ANK3: variants seen among roughly 807,000 people sequenced by gnomAD.
ANK3 encodes the protein ankyrin 3.
Under a neutral mutation model 370.9 loss-of-function variants are expected in ANK3, and 57 were observed. The ratio of observed to expected loss-of-function variants is 0.15; its 90% CI spans 0.12 to 0.19. The LOEUF (loss-of-function observed/expected upper bound fraction) is 0.19. ANK3 is among the 10% of genes least tolerant of loss of function. The probability of loss-of-function intolerance (pLI) is 1.00; values close to 1 mark genes in which losing one functional copy is unlikely to be tolerated. For missense variants in ANK3, 4,439 were observed against 5,302.1 expected (o/e 0.84, Z 5.06); for synonymous variants, 1,929 against 1,946.3 (o/e 0.99, Z 0.23).
intron 2 of ANK3, among the ~76,000 whole-genome samples, chr10:60,470,465 TC>T (rs143476356): frequency 0.79 from 114,209 of 144,186 alleles, 42,929 homozygotes; most frequent in South Asian, 0.89. Context: ...AATTTTATAC[TC>T]TTTTTTTGAA....
chr10:60,719,173 T>C (rs2079829588), intron 1 of ANK3, among the ~76,000 whole-genome samples: 1 of 152,166 alleles, frequency 6.6e-6, no homozygotes, highest in African/African-American at 2.4e-5. Context: ...TTACTATTTG[T>C]AGCTCTAACT....
At chr10:60,226,263 AC>A in intron 8 of ANK3, among the ~76,000 whole-genome samples, 6 of 105,608 alleles carry the variant, frequency 5.7e-5, no homozygotes, top group Non-Finnish European at 9.2e-5. Context: ...TATATGTAAT[AC>A]TATATATACT....
At position 60,071,356 on chromosome 10, in the gene ANK3, C is replaced by T. The variant is rs1157464592; in HGVS notation, c.9525G>A (p.Glu3175=). The part of the protein sequence containing the change: ...SPLTPETPSS[E]EVSYEFTSKT... ...TAGATGTAAATTCATAACTCACTTCCTCTGAACTGGGTGTTTCTGGGGTTA... is the reference window on the plus strand; with the variant it reads ...TAGATGTAAATTCATAACTCACTTCTTCTGAACTGGGTGTTTCTGGGGTTA... The change falls in exon 37 of 44, where the codon GAG becomes GAA. Residue 3175 remains glutamate (E), a synonymous_variant. Transcript: ENST00000280772. The T allele has an allele frequency of 1.2e-6, 2 of 1,613,922 alleles. No individual in the cohort carries two copies. The highest frequency in any genetic ancestry group is 2.2e-5 in the East Asian group (1 of 44,878).
chr10:60,423,097 C>G (rs2063810851), intron 2 of ANK3, among the ~76,000 whole-genome samples: 2 of 151,980 alleles, frequency 1.3e-5, no homozygotes, highest in Admixed American at 1.3e-4. Context: ...AAAACACCTC[C>G]AGATAATTTT....
chr10:60,554,255 TTTTC>T (rs1392264059), intron 2 of ANK3, among the ~76,000 whole-genome samples: 1 of 152,150 alleles, frequency 6.6e-6, no homozygotes, highest in Non-Finnish European at 1.5e-5. Context: ...TTAGAGCCCT[TTTTC>T]TAAGTAAAAT....
intron 1 of ANK3, among the ~76,000 whole-genome samples, chr10:60,621,538 G>C (rs990349475): frequency 6.6e-6 from 1 of 152,052 alleles, no homozygotes; most frequent in Non-Finnish European, 1.5e-5. Context: ...GACTCTCCTG[G>C]GGTCGTGTAA....
chr10:60,349,070 C>T (rs965010892), intron 1 of ANK3, among the ~76,000 whole-genome samples: 11 of 78,224 alleles, frequency 1.4e-4, no homozygotes, highest in Admixed American at 8.3e-4. Flanking sequence ...AAGATGGGCT[C>T]ATGAGAAACA....
chr10:60,576,549 C>G (rs972379231), intron 2 of ANK3, among the ~76,000 whole-genome samples: 1 of 152,158 alleles, frequency 6.6e-6, no homozygotes, highest in African/African-American at 2.4e-5. Context: ...GAAGCAACAA[C>G]CTTCCATTGA....
intron 2 of ANK3, among the ~76,000 whole-genome samples, chr10:60,600,857 T>C (rs2078051546): frequency 6.6e-6 from 1 of 152,184 alleles, no homozygotes; most frequent in African/African-American, 2.4e-5. Flanking sequence ...GCCATTCTCA[T>C]CTACGAATAT....
chr10:60,329,635 G>A lies in ANK3; in HGVS notation c.115-49996C>T, dbSNP rs568553909. On this transcript the variant is annotated intron_variant, in intron 1 of 43. Transcript: ENST00000280772. ...ACCACTGCTCAAGGAAATAAGACAG[G>A]ATACAAACAAATGGAAAAAAACATT... 4.6e-5 allele frequency among the ~76,000 whole-genome samples: 7 copies of A among 152,194 alleles called. No individual in the cohort carries two copies. In the East Asian group the frequency reaches 1.4e-3, roughly 29 times the overall value.
At chr10:60,082,585 A>G (rs774537926) in intron 34 of ANK3, 30 bp downstream of exon 34, 1 of 1,606,740 alleles carries the variant, frequency 6.2e-7, no homozygotes, top group Non-Finnish European at 8.5e-7. Context: ...AGACCAGGGA[A>G]AGACAATTTA....
intron 1 of ANK3, among the ~76,000 whole-genome samples, chr10:60,321,160 G>A (rs1397952363): frequency 6.6e-6 from 1 of 152,114 alleles, no homozygotes; most frequent in Non-Finnish European, 1.5e-5. Context: ...GGAGTCTGAG[G>A]CAGGAAGATC....
chr10:60,431,184 T>C (rs1331125401), intron 2 of ANK3, among the ~76,000 whole-genome samples: 1 of 152,212 alleles, frequency 6.6e-6, no homozygotes, highest in East Asian at 1.9e-4. Flanking sequence ...TTCCTGAAAC[T>C]AGATGGTCCC....
intron 1 of ANK3, among the ~76,000 whole-genome samples, chr10:60,718,955 T>G (rs2079826292): frequency 6.6e-6 from 1 of 152,188 alleles, no homozygotes; most frequent in Non-Finnish European, 1.5e-5. Context: ...ACAAAACACA[T>G]GCTTATTTTA....
intron 1 of ANK3, among the ~76,000 whole-genome samples, chr10:60,287,360 G>C (rs1343653549): frequency 1.3e-5 from 2 of 152,064 alleles, no homozygotes; most frequent in Admixed American, 6.6e-5. Flanking sequence ...TCCCTGGCCA[G>C]TTCAGGCCCT....
chr10:60,237,052 G>A (rs2097344548), intron 7 of ANK3, among the ~76,000 whole-genome samples: 1 of 152,246 alleles, frequency 6.6e-6, no homozygotes, highest in Non-Finnish European at 1.5e-5. Context: ...CCAGCTTGCA[G>A]CTGCACAGCT....
chr10:60,648,080 C>T (rs1221891866), intron 1 of ANK3, among the ~76,000 whole-genome samples: 1 of 150,890 alleles, frequency 6.6e-6, no homozygotes, highest in Non-Finnish European at 1.5e-5. Context: ...CTCTTGACCT[C>T]GTGATCCACC....
chr10:60,062,984 G>T, intron 40 of ANK3, 127 bp downstream of exon 40: 2 of 954,866 alleles, frequency 2.1e-6, no homozygotes, highest in African/African-American at 1.7e-5. Flanking sequence ...TGCAGACTCT[G>T]GCAGAGAAAA....
chr10:60,122,544 G>A (rs1344928989), intron 25 of ANK3, among the ~76,000 whole-genome samples: 2 of 152,210 alleles, frequency 1.3e-5, no homozygotes, highest in African/African-American at 4.8e-5. Context: ...AGATGCCCCA[G>A]CATCACCTGC....
Sources: allele counts gnomAD v4.1 joint callset (sites outside exome capture counted in the v4.1 genomes callset), GRCh38; gene constraint gnomAD v4.1.1; transcripts MANE v1.5; gene names NCBI Gene and HGNC (gene_info 2026-07-23, HGNC 2026-07-21).